RTN4: variants seen among roughly 807,000 people sequenced by gnomAD.
The protein encoded by RTN4 is reticulon-4.
A neutral mutation model predicts 90.4 loss-of-function variants in RTN4; 32 were observed. That is an observed-to-expected ratio of 0.35 (90% confidence interval 0.27 to 0.48). The LOEUF (loss-of-function observed/expected upper bound fraction) is 0.48, where lower values mean the gene tolerates loss of function less well. Ranked by LOEUF, RTN4 falls within the 20% of genes least tolerant of loss-of-function variation. RTN4 has a pLI of 0.99. For missense variants in RTN4, 1,706 were observed against 1,430.2 expected (o/e 1.19, Z -3.11); for synonymous variants, 629 against 552.5 (o/e 1.14, Z -1.94).
At chr2:55,011,726 A>T (rs532544363) in intron 3 of RTN4, among the ~76,000 whole-genome samples, 1 of 152,324 alleles carries the variant, frequency 6.6e-6, no homozygotes, top group African/African-American at 2.4e-5. Context: ...TTAAACATAG[A>T]AAGAACTAAA....
At position 54,972,333 on chromosome 2, in the gene RTN4, G is replaced by GCAAA. The variant is rs142955736; in HGVS notation, c.*819_*822dup. The stretch of plus-strand genomic sequence containing the variant: ...TCTTGCATAACAATGTTTGATATTT[G>GCAAA]CAAACAAACAACATTTTTGGAAGCA... On this transcript the variant is annotated 3_prime_UTR_variant, in exon 9 of 9. Transcript: ENST00000337526. 5.6e-4 allele frequency: 85 copies of GCAAA among 152,674 alleles called. No homozygotes were observed. The highest frequency in any genetic ancestry group is 2.1e-3 in the East Asian group (11 of 5,182). 9.5% of individuals were successfully genotyped at this position (152,674 alleles called of 1,614,324 possible).
intron 3 of RTN4, among the ~76,000 whole-genome samples, chr2:55,007,775 T>C (rs1680337492): frequency 6.6e-6 from 1 of 152,108 alleles, no homozygotes; most frequent in Non-Finnish European, 1.5e-5. Flanking sequence ...AAACCTAATC[T>C]AGTTCATCTA....
At chr2:54,974,820 T>C in intron 5 of RTN4, 56 bp from the exon 6 acceptor site, 2 of 1,485,954 alleles carry the variant, frequency 1.3e-6, no homozygotes, top group Admixed American at 3.4e-5. Flanking sequence ...AGTTTCTTAA[T>C]TATGCTTTCA....
intron 2 of RTN4, among the ~76,000 whole-genome samples, chr2:55,074,282 A>G (rs2968826): frequency 0.92 from 139,476 of 152,110 alleles, 64,092 homozygotes; most frequent in African/African-American, 0.97. Flanking sequence ...TGGGAGGATC[A>G]CTTGAGGCCA....
At chr2:55,044,785 T>TAAAAAATAAA (rs1683306812) in intron 1 of RTN4, among the ~76,000 whole-genome samples, 1 of 65,648 alleles carries the variant, frequency 1.5e-5, no homozygotes, top group African/African-American at 6.2e-5. Context: ...TGCAAATCAC[T>TAAAAAATAAA]AAAAAAAAAA....
At chr2:55,087,024 T>C (rs1305224165) in intron 1 of RTN4, among the ~76,000 whole-genome samples, 1 of 152,166 alleles carries the variant, frequency 6.6e-6, no homozygotes, top group Non-Finnish European at 1.5e-5. Flanking sequence ...GCTCCTTTGC[T>C]CTATATTATG....
chr2:55,036,003 C>T (rs1378954902), intron 1 of RTN4, among the ~76,000 whole-genome samples: 1 of 151,954 alleles, frequency 6.6e-6, no homozygotes, highest in African/African-American at 2.4e-5. Flanking sequence ...ACTTAAAACC[C>T]CCACGAAGAA....
chr2:54,995,085 C>G (rs1679311273), intron 3 of RTN4, among the ~76,000 whole-genome samples: 1 of 151,850 alleles, frequency 6.6e-6, no homozygotes, highest in South Asian at 2.1e-4. Flanking sequence ...ACTAAAAATA[C>G]AAAAATTAGC....
At chr2:55,053,205 A>G (rs1435586383), upstream of RTN4, among the ~76,000 whole-genome samples, 1 of 152,240 alleles carries the variant, frequency 6.6e-6, no homozygotes, top group South Asian at 2.1e-4. Flanking sequence ...CAACAAAGCA[A>G]AAAGAAAGGA....
chr2:55,070,348 C>G (rs559583123), intron 2 of RTN4, among the ~76,000 whole-genome samples: 148 of 151,808 alleles, frequency 9.7e-4, no homozygotes, highest in Non-Finnish European at 1.6e-3. Flanking sequence ...CCCGTGAGCT[C>G]AGGAGTTCAA....
At position 54,998,372 on chromosome 2, in the gene RTN4, G is replaced by C. The variant is rs932969574; in HGVS notation, c.3014-10674C>G. On this transcript the variant is annotated intron_variant, in intron 3 of 8. Coordinates refer to ENST00000337526, the MANE Select transcript of RTN4 (RefSeq NM_020532.5). The stretch of plus-strand genomic sequence containing the variant: ...CTTACTACCTAACTTTATCCCCAGA[G>C]CTGAGCAGAAAGCCAAAAACAACTA... Among the ~76,000 whole-genome samples, 17 of 152,260 alleles carry C rather than the reference G, an allele frequency of 1.1e-4. 1 individual carries two copies. The highest frequency in any genetic ancestry group is 4.1e-4 in the African/African-American group (17 of 41,560).
intron 5 of RTN4, among the ~76,000 whole-genome samples, chr2:54,979,042 G>C (rs145210820): frequency 2.6e-5 from 4 of 151,490 alleles, no homozygotes; most frequent in African/African-American, 9.7e-5. Context: ...TTAAGATTAA[G>C]ATTTTAATAA....
intron 1 of RTN4, among the ~76,000 whole-genome samples, chr2:55,082,944 C>T (rs1484125722): frequency 3.3e-5 from 5 of 151,898 alleles, no homozygotes; most frequent in Non-Finnish European, 5.9e-5. Flanking sequence ...GAACGAGACT[C>T]CGTCTCAAAA....
chr2:55,109,088 CT>C (rs745313131), intron 1 of RTN4, among the ~76,000 whole-genome samples: 1 of 152,026 alleles, frequency 6.6e-6, no homozygotes, highest in Non-Finnish European at 1.5e-5. Flanking sequence ...AACACACACA[CT>C]TTTGAAACGT....
chr2:55,014,751 G>A (rs369602094), intron 3 of RTN4, among the ~76,000 whole-genome samples: 10 of 152,034 alleles, frequency 6.6e-5, no homozygotes, highest in Non-Finnish European at 1.2e-4. Flanking sequence ...TCCTGACCTC[G>A]TGATCTGCCC....
chr2:55,060,728 C>G (rs909570510), intron 2 of RTN4: 1 of 152,222 alleles, frequency 6.6e-6, no homozygotes, highest in Admixed American at 6.5e-5. Context: ...TGAGACCAGC[C>G]TGGGTAACAT....
chr2:55,033,807 T>C lies in RTN4; in HGVS notation c.557-5587A>G, dbSNP rs182308930. Among the ~76,000 whole-genome samples the C allele has an allele frequency of 2.2e-3, 333 of 152,364 alleles. 2 individuals carry two copies. Among genetic ancestry groups the C allele is most frequent in the Admixed American group, 6.7e-3 (103 of 15,304 alleles). On this transcript the variant is annotated intron_variant, in intron 1 of 8. Transcript: ENST00000337526. ...AGTACATATGATATTTTGATACCTA[T>C]ATGCAATGTGTAATGATCAAGTCAG...
At chr2:55,107,456 T>C (rs1667963419) in intron 1 of RTN4, among the ~76,000 whole-genome samples, 1 of 148,886 alleles carries the variant, frequency 6.7e-6, no homozygotes. Flanking sequence ...ATGGCTACTC[T>C]AGGCCCTACT....
At chr2:54,990,546 CCACAAT>C (rs779490987) in intron 3 of RTN4, among the ~76,000 whole-genome samples, 3 of 152,032 alleles carry the variant, frequency 2.0e-5, no homozygotes, top group Non-Finnish European at 2.9e-5. Context: ...GTTATTATTA[CCACAAT>C]CACAATCATC....
Sources: allele counts gnomAD v4.1 joint callset (sites outside exome capture counted in the v4.1 genomes callset), GRCh38; gene constraint gnomAD v4.1.1; transcripts MANE v1.5; gene names NCBI Gene and HGNC (gene_info 2026-07-23, HGNC 2026-07-21).